CALD1: variants seen among roughly 807,000 people sequenced by gnomAD.
CALD1 encodes caldesmon.
Under a neutral mutation model 99.9 loss-of-function variants are expected in CALD1, and 33 were observed. The observed-to-expected ratio is 0.33, with a 90% CI of 0.25 to 0.44. The LOEUF (loss-of-function observed/expected upper bound fraction) is 0.44, where lower values mean the gene tolerates loss of function less well. CALD1 is among the 20% of genes least tolerant of loss of function. The probability of loss-of-function intolerance (pLI) is 1.00; values close to 1 mark genes in which losing one functional copy is unlikely to be tolerated. For synonymous variants in CALD1, 310 were observed against 325.0 expected (o/e 0.95, Z 0.50); for missense variants, 861 against 962.1 (o/e 0.89, Z 1.39).
intron 4 of CALD1, among the ~76,000 whole-genome samples, chr7:134,931,137 T>G (rs74634886): frequency 0.015 from 2,249 of 152,268 alleles, 46 homozygotes; most frequent in African/African-American, 0.052. Flanking sequence ...GAATGTGTGA[T>G]TTATCTCTGA....
chr7:134,753,915 G>A (rs1241382440), intron 1 of CALD1, among the ~76,000 whole-genome samples: 1 of 152,204 alleles, frequency 6.6e-6, no homozygotes, highest in Admixed American at 6.5e-5. Flanking sequence ...GGCTTTGCAA[G>A]CTCCCCTAGC....
chr7:134,824,782 A>G (rs1451552944), intron 1 of CALD1, among the ~76,000 whole-genome samples: 3 of 151,942 alleles, frequency 2.0e-5, no homozygotes, highest in Non-Finnish European at 4.4e-5. Context: ...TTCATTTTCT[A>G]TTGTGATGAT....
At chr7:134,793,643 G>A (rs1338558140) in intron 1 of CALD1, among the ~76,000 whole-genome samples, 3 of 152,086 alleles carry the variant, frequency 2.0e-5, no homozygotes, top group South Asian at 2.1e-4. Context: ...ACCATTTATC[G>A]TCAAACTGGG....
At chr7:134,715,258 T>A in the CALD1 span, among the ~76,000 whole-genome samples, 29 of 152,344 alleles carry the variant, frequency 1.9e-4, no homozygotes, top group Admixed American at 1.6e-3. Context: ...TGAGCTTGGT[T>A]AAGTTCAAAC....
chr7:134,768,882 A>T (rs1796853444), intron 1 of CALD1, among the ~76,000 whole-genome samples: 1 of 152,012 alleles, frequency 6.6e-6, no homozygotes, highest in East Asian at 1.9e-4. Flanking sequence ...CTTAAATTTG[A>T]TGTGGTTCTA....
intron 1 of CALD1, among the ~76,000 whole-genome samples, chr7:134,780,707 C>T (rs963564032): frequency 2.6e-5 from 4 of 152,110 alleles, no homozygotes; most frequent in Non-Finnish European, 5.9e-5. Context: ...TGTGGCAATA[C>T]ATGGTCAAAA....
intron 1 of CALD1, among the ~76,000 whole-genome samples, chr7:134,816,919 T>A (rs1798585160): frequency 6.6e-6 from 1 of 152,150 alleles, no homozygotes; most frequent in South Asian, 2.1e-4. Context: ...TATTAAAAAA[T>A]TATGTCTTCT....
At chr7:134,758,556 G>A (rs928322537) in intron 1 of CALD1, among the ~76,000 whole-genome samples, 1 of 149,410 alleles carries the variant, frequency 6.7e-6, no homozygotes, top group Non-Finnish European at 1.5e-5. Flanking sequence ...GAACACAGCA[G>A]TGGAGAAGTT....
intron 3 of CALD1, among the ~76,000 whole-genome samples, chr7:134,911,198 C>CTTTTT (rs964515625): frequency 5.1e-5 from 6 of 118,124 alleles, no homozygotes; most frequent in Non-Finnish European, 9.1e-5. Context: ...TTTCCTTTTT[C>CTTTTT]TTTTTTTTTT....
rs751262549 is a variant in CALD1 at position 134,947,558 on chromosome 7, C to G, written c.1583C>G (p.Pro528Arg). ...SVDTKEAEGAPQVEAGKRLEE... is the reference protein window; with the variant it reads ...SVDTKEAEGARQVEAGKRLEE... ...GACACCAAGGAGGCTGAGGGCGCCCCCCAGGTGGAAGCCGGCAAAAGGCTG... is the reference window on the plus strand; with the variant it reads ...GACACCAAGGAGGCTGAGGGCGCCCGCCAGGTGGAAGCCGGCAAAAGGCTG... The change falls in exon 8 of 15, where the codon CCC (proline) becomes CGC (arginine). Residue 528 changes from proline (P) to arginine (R), a missense_variant. Around this residue, in one of 5 missense-constraint regions of CALD1, gnomAD observed 293 missense variants for 262.7 expected, o/e 1.12. Transcript: ENST00000361675. 6.4e-7 allele frequency: 1 copy of G among 1,563,326 alleles called. No homozygotes were observed. The highest frequency in any genetic ancestry group is 1.9e-5 in the Admixed American group (1 of 53,038).
intron 3 of CALD1, among the ~76,000 whole-genome samples, chr7:134,895,760 T>C (rs1313678975): frequency 6.6e-6 from 1 of 152,242 alleles, no homozygotes; most frequent in Non-Finnish European, 1.5e-5. Flanking sequence ...TATAGTGAAC[T>C]TCCAGTTTCT....
intron 1 of CALD1, among the ~76,000 whole-genome samples, chr7:134,747,519 T>C (rs1464219636): frequency 6.6e-6 from 1 of 152,212 alleles, no homozygotes; most frequent in African/African-American, 2.4e-5. Flanking sequence ...GACAATGGAT[T>C]AAGAATGACT....
At chr7:134,893,737 G>A (rs1802366629) in intron 3 of CALD1, among the ~76,000 whole-genome samples, 1 of 152,094 alleles carries the variant, frequency 6.6e-6, no homozygotes, top group Non-Finnish European at 1.5e-5. Flanking sequence ...TCTATTACTA[G>A]CTTTGTACCG....
At chr7:134,839,782 C>T (rs1218440487) in intron 1 of CALD1, among the ~76,000 whole-genome samples, 1 of 152,122 alleles carries the variant, frequency 6.6e-6, no homozygotes. Context: ...CTTGACTTCC[C>T]TGGCTCAAGA....
intron 3 of CALD1, among the ~76,000 whole-genome samples, chr7:134,905,801 C>T (rs981886205): frequency 2.0e-5 from 3 of 152,050 alleles, no homozygotes; most frequent in African/African-American, 7.2e-5. Context: ...CTTTCCCCAG[C>T]AGGAGACATG....
intron 1 of CALD1, among the ~76,000 whole-genome samples, chr7:134,798,274 A>G (rs774814186): frequency 6.6e-6 from 1 of 152,204 alleles, no homozygotes; most frequent in Non-Finnish European, 1.5e-5. Context: ...TTCCACCTGT[A>G]ATACCTTAGG....
chr7:134,951,172 C>T (rs530417325), intron 9 of CALD1, among the ~76,000 whole-genome samples: 81 of 152,298 alleles, frequency 5.3e-4, no homozygotes, highest in African/African-American at 1.7e-3. Flanking sequence ...CACCTAGTTA[C>T]CACCCAAAGG....
chr7:134,921,534 C>T (rs576873780), intron 3 of CALD1, among the ~76,000 whole-genome samples: 17 of 152,084 alleles, frequency 1.1e-4, no homozygotes, highest in Non-Finnish European at 2.2e-4. Context: ...TGCTGTGGTC[C>T]GGCATGGTGG....
At chr7:134,819,483 T>C (rs1304441345) in intron 1 of CALD1, among the ~76,000 whole-genome samples, 1 of 152,208 alleles carries the variant, frequency 6.6e-6, no homozygotes, top group Non-Finnish European at 1.5e-5. Context: ...GCTTTTTGCT[T>C]AGCACTGTGT....
Sources: allele counts gnomAD v4.1 joint callset (sites outside exome capture counted in the v4.1 genomes callset), GRCh38; gene constraint gnomAD v4.1.1; regional missense constraint gnomAD v4.1.1; transcripts MANE v1.5; gene names NCBI Gene and HGNC (gene_info 2026-07-23, HGNC 2026-07-21).